Variants in CHMP1A observed in about 807,000 individuals in gnomAD.
CHMP1A encodes the protein VPS46 homolog A.
CHMP1A carries 17 observed loss-of-function variants against 27.0 expected under a neutral mutation model. The observed-to-expected ratio is 0.63, with a 90% CI of 0.43 to 0.95. CHMP1A has a LOEUF of 0.95. CHMP1A is among the 40% of genes least tolerant of loss of function. The probability of loss-of-function intolerance (pLI) is 0.00; values close to 1 mark genes in which losing one functional copy is unlikely to be tolerated. For synonymous variants in CHMP1A, 131 were observed against 107.5 expected (o/e 1.22, Z -1.35); for missense variants, 275 against 264.0 (o/e 1.04, Z -0.29).
At chr16:89,649,323 C>G in intron 4 of CHMP1A, 28 bp downstream of exon 4, 1 of 1,600,670 alleles carries the variant, frequency 6.2e-7, no homozygotes, top group African/African-American at 1.3e-5. Flanking sequence ...CGAACGCCAC[C>G]CATCCAGCAC....
chr16:89,647,357 G>A lies in CHMP1A; in HGVS notation c.253-26C>T, dbSNP rs72805593. 0.019 allele frequency: 29,542 copies of A among 1,592,640 alleles called. 360 individuals are homozygous for A. The highest frequency in any genetic ancestry group is 0.022 in the Non-Finnish European group (26,022 of 1,164,414). On this transcript the variant is annotated intron_variant, in intron 4 of 6. Coordinates refer to ENST00000397901, the MANE Select transcript of CHMP1A (RefSeq NM_002768.5). ...CTGAGACAGGAGAGAGCGCAGGAGG[G>A]AACAGGATGAAAGGCAAGTGGAGCT...
chr16:89,652,354 TCAAGGAAACAGGGCC>T (rs2059831496), intron 2 of CHMP1A, among the ~76,000 whole-genome samples: 5 of 130,638 alleles, frequency 3.8e-5, no homozygotes, highest in Admixed American at 2.2e-4. Context: ...CACCAGCACC[TCAAGGAAACAGGGCC>T]TCTGGCAACC....
chr16:89,647,100 T>C (rs1247104336), intron 5 of CHMP1A, 103 bp downstream of exon 5: 5 of 1,540,196 alleles, frequency 3.2e-6, no homozygotes, highest in African/African-American at 1.4e-5. Context: ...CAACCACAGG[T>C]ATGCAGAGAC....
At chr16:89,653,868 G>C (rs775984617) in intron 2 of CHMP1A, 36 bp downstream of exon 2, 7 of 1,608,680 alleles carry the variant, frequency 4.4e-6, no homozygotes, top group Non-Finnish European at 1.7e-6. Context: ...GTCCTCACCA[G>C]AACAGGGCTG....
rs2059826437 is a variant in CHMP1A, at chr16:89,651,786, A to C, written c.28-140T>G. ...CCATCAGCCAGCCTGGGCCCAGCAC[A>C]CCGCAGGGAAGGCGTGAAGCCTGTG... is the stretch of plus-strand genomic sequence containing the variant. On this transcript the variant is annotated intron_variant, in intron 2 of 6. Coordinates refer to ENST00000397901, the MANE Select transcript of CHMP1A (RefSeq NM_002768.5). The C allele has an allele frequency of 3.9e-6, 3 of 767,398 alleles. 1 individual carries two copies. In the South Asian group the frequency reaches 5.8e-5, roughly 15 times the overall value. 47.5% of individuals were successfully genotyped at this position (767,398 alleles called of 1,614,324 possible).
rs564529112 is a variant in CHMP1A at position 89,656,741 on chromosome 16, G to T, written c.7+841C>A. On this transcript the variant is annotated intron_variant, in intron 1 of 6. Coordinates refer to ENST00000397901, the MANE Select transcript of CHMP1A (RefSeq NM_002768.5). ...CTTCTGATTTGCAGTGATGCTGTTT[G>T]GGGCAGGGGGTGCAACTGTCACTTT... 7.2e-5 allele frequency among the ~76,000 whole-genome samples: 11 copies of T among 152,318 alleles called. No individual in the cohort carries two copies. In the East Asian group the frequency reaches 1.9e-3, roughly 27 times the overall value.
Position 89,654,039 on chromosome 16 carries a change from C to A in CHMP1A, c.8-116G>T. On this transcript the variant is annotated intron_variant, in intron 1 of 6. Transcript: ENST00000397901. ...CCAGGAGCTAGAACACACACACAGACCACACCTGCCTGGGGCCTTCGGGGA... is the reference window on the plus strand; with the variant it reads ...CCAGGAGCTAGAACACACACACAGAACACACCTGCCTGGGGCCTTCGGGGA... The A allele has an allele frequency of 9.0e-6, 10 of 1,110,834 alleles. 1 individual carries two copies. Among genetic ancestry groups the A allele is most frequent in the Non-Finnish European group, 1.4e-5 (10 of 728,590 alleles). 68.8% of individuals were successfully genotyped at this position (1,110,834 alleles called of 1,614,324 possible). A position where few individuals can be genotyped will look rare whatever the true frequency, so the allele number is the denominator to read the frequency against.
chr16:89,657,502 A>G, intron 1 of CHMP1A, 80 bp downstream of exon 1: 1 of 1,537,476 alleles, frequency 6.5e-7, no homozygotes, highest in South Asian at 1.2e-5. Context: ...CCGCGGCCCC[A>G]GGTGGGCGGA....
chr16:89,652,696 G>T (rs962486147), intron 2 of CHMP1A, among the ~76,000 whole-genome samples: 2 of 152,190 alleles, frequency 1.3e-5, no homozygotes, highest in African/African-American at 4.8e-5. Context: ...GCCTCAGCCG[G>T]TCCCCTCTGT....
chr16:89,646,841 T>G, intron 5 of CHMP1A, 127 bp from the exon 6 acceptor site: 1 of 1,121,594 alleles, frequency 8.9e-7, no homozygotes, highest in East Asian at 2.6e-5. Flanking sequence ...CCCTGTTCTC[T>G]CAGTGACTCT....
rs2059807630 is a variant in CHMP1A at position 89,649,507 on chromosome 16, GC to G, written c.106-11del. On this transcript the variant is annotated splice_polypyrimidine_tract_variant and intron_variant, in intron 3 of 6. Coordinates refer to ENST00000397901, the MANE Select transcript of CHMP1A (RefSeq NM_002768.5). ...TTTTCTGCAGAAGGGCCTGAAACCC[GC>G]GGGGGAAAGCAGCTGGAAGAGCTTG... is the stretch of plus-strand genomic sequence containing the variant. The G allele has an allele frequency of 6.2e-7, 1 of 1,613,342 alleles. No individual in the cohort carries two copies. Among genetic ancestry groups the G allele is most frequent in the South Asian group, 1.1e-5 (1 of 91,068 alleles).
rs577109952 is a variant in CHMP1A at position 89,650,304 on chromosome 16, G to A, written c.106-807C>T. Among the ~76,000 whole-genome samples the A allele has an allele frequency of 5.3e-5, 8 of 152,000 alleles. No individual in the cohort carries two copies. The East Asian group carries it at 7.8e-4, about 15-fold the overall frequency. ...AGCAATTCTCCCGCCTCAGCCTTCC[G>A]AGTAGCTGGGATTATAGGTGTGAAT... On this transcript the variant is annotated intron_variant, in intron 3 of 6. Transcript: ENST00000397901.
At chr16:89,647,396 C>T (rs572971569) in intron 4 of CHMP1A, 65 bp from the exon 5 acceptor site, 242 of 1,501,408 alleles carry the variant, frequency 1.6e-4, no homozygotes, top group African/African-American at 3.4e-4. Context: ...GCACCAGGGA[C>T]GGGTCCCCTG....
rs2059816614 is a variant in CHMP1A at position 89,650,597 on chromosome 16, G to A, written c.105+972C>T. On this transcript the variant is annotated intron_variant, in intron 3 of 6. Transcript: ENST00000397901. ...GAGGCAGGTGGATCACCTGAGGTCAGGAGTTTGACACCAGCCTGGCCAACA... is the reference window on the plus strand; with the variant it reads ...GAGGCAGGTGGATCACCTGAGGTCAAGAGTTTGACACCAGCCTGGCCAACA... Among the ~76,000 whole-genome samples the A allele has an allele frequency of 2.0e-5, 3 of 152,252 alleles. No homozygotes were observed. The South Asian group carries it at 6.2e-4, about 32-fold the overall frequency.
chr16:89,646,898 C>T, intron 5 of CHMP1A, 184 bp from the exon 6 acceptor site: 2 of 729,522 alleles, frequency 2.7e-6, no homozygotes, highest in Non-Finnish European at 4.6e-6. Context: ...CCCCACCCAG[C>T]CCCACCCTCT....
chr16:89,652,229 C>T (rs572704644), intron 2 of CHMP1A, among the ~76,000 whole-genome samples: 3 of 152,164 alleles, frequency 2.0e-5, no homozygotes, highest in Non-Finnish European at 4.4e-5. Flanking sequence ...GGCAACCCAC[C>T]CGGAACCACA....
At chr16:89,653,041 A>C (rs1257911797) in intron 2 of CHMP1A, among the ~76,000 whole-genome samples, 1 of 68,842 alleles carries the variant, frequency 1.5e-5, no homozygotes, top group Non-Finnish European at 2.5e-5. Flanking sequence ...TTTTTTTTTG[A>C]GACGGAGTCT....
Position 89,647,214 on chromosome 16 carries a change from C to A in CHMP1A, c.370G>T (p.Val124Phe). 6.2e-7 allele frequency: 1 copy of A among 1,608,994 alleles called. No individual in the cohort carries two copies. Among genetic ancestry groups the A allele is most frequent in the East Asian group, 2.2e-5 (1 of 44,730 alleles). ...TAGGGGCCACATACCGATGTATGGA[C>A]GTCCAGGTTCTGCACCTGCTGCTCG... ...RFEQQVQNLD[V>F]HTSVMEDSMS... The change falls in exon 5 of 7, where the codon GTC (valine) becomes TTC (phenylalanine). Residue 124 changes from valine to phenylalanine, a missense_variant. Val to Phe is a conservative substitution (Grantham distance 50). Coordinates refer to ENST00000397901, the MANE Select transcript of CHMP1A (RefSeq NM_002768.5).
At position 89,645,900 on chromosome 16, in the gene CHMP1A, G is replaced by C; in HGVS notation, c.*166C>G. On this transcript the variant is annotated 3_prime_UTR_variant, in exon 7 of 7. Transcript: ENST00000397901. ...CACAGACCCACCGCCCAACCTAAAA[G>C]AACAGGAACAACCCTAAGGCCACGC... is the stretch of plus-strand genomic sequence containing the variant. 2 of 1,599,112 alleles carry C rather than the reference G, an allele frequency of 1.3e-6. No homozygotes were observed. Among genetic ancestry groups the C allele is most frequent in the Non-Finnish European group, 1.7e-6 (2 of 1,174,408 alleles).
Sources: gnomAD v4.1 joint callset for allele counts (sites outside exome capture counted in the v4.1 genomes callset) on GRCh38, gnomAD v4.1.1 for gene constraint, MANE v1.5 for transcripts, NCBI Gene and HGNC (gene_info 2026-07-23, HGNC 2026-07-21) for gene names.